RNLS: variants seen among roughly 807,000 people sequenced by gnomAD.
RNLS encodes renalase.
Under a neutral mutation model 39.8 loss-of-function variants are expected in RNLS, and 39 were observed. The observed-to-expected ratio is 0.98, with a 90% confidence interval of 0.76 to 1.28. RNLS has a LOEUF of 1.28. RNLS is among the 50% of genes most tolerant of loss of function. The probability of loss-of-function intolerance (pLI) is 0.00; values close to 1 mark genes in which losing one functional copy is unlikely to be tolerated. For synonymous variants in RNLS, 147 were observed against 150.7 expected, an observed-to-expected ratio of 0.98 and a Z score of 0.18; for missense variants, 410 against 413.3, an observed-to-expected ratio of 0.99 and a Z score of 0.07.
chr10:88,437,806 TG>T (rs1564798347), intron 4 of RNLS, among the ~76,000 whole-genome samples: 1 of 152,094 alleles, frequency 6.6e-6, no homozygotes, highest in East Asian at 1.9e-4. Flanking sequence ...TGGGTGCTTC[TG>T]GGAAAGGTTT....
chr10:88,343,244 C>T (rs1405416096), intron 5 of RNLS, among the ~76,000 whole-genome samples: 1 of 152,120 alleles, frequency 6.6e-6, no homozygotes, highest in Non-Finnish European at 1.5e-5. Context: ...TAAAATAAGA[C>T]AGTGTCTTGA....
chr10:88,413,568 C>CT (rs1230712433), intron 4 of RNLS, among the ~76,000 whole-genome samples: 1 of 152,198 alleles, frequency 6.6e-6, no homozygotes, highest in Admixed American at 6.5e-5. Context: ...CTCCAGGCAG[C>CT]TGACCAAATG....
At chr10:88,283,502 T>C (rs570719278), downstream of RNLS, among the ~76,000 whole-genome samples, 6 of 152,320 alleles carry the variant, frequency 3.9e-5, no homozygotes, top group African/African-American at 1.4e-4. Context: ...AAATGGCTCC[T>C]GAATTATATT....
At chr10:88,477,166 T>C (rs2134001683) in intron 4 of RNLS, among the ~76,000 whole-genome samples, 1 of 152,196 alleles carries the variant, frequency 6.6e-6, no homozygotes, top group South Asian at 2.1e-4. Flanking sequence ...AACTGGAAAA[T>C]GGTACAGTGT....
chr10:88,364,038 A>C (rs1849846963), intron 4 of RNLS, among the ~76,000 whole-genome samples: 1 of 152,178 alleles, frequency 6.6e-6, no homozygotes, highest in Non-Finnish European at 1.5e-5. Flanking sequence ...TGAGGTGGGG[A>C]AAGAAGACAT....
At chr10:88,397,640 T>C (rs761082855) in intron 4 of RNLS, among the ~76,000 whole-genome samples, 1 of 151,098 alleles carries the variant, frequency 6.6e-6, no homozygotes, top group African/African-American at 2.4e-5. Flanking sequence ...ATAAACAAAA[T>C]AGAGATAGAA....
rs569002300 is a variant in RNLS, at chr10:88,559,928, CT to C, written c.526+12974del. On this transcript the variant is annotated intron_variant, in intron 4 of 6. Coordinates refer to ENST00000331772, the MANE Select transcript of RNLS (RefSeq NM_001031709.3). Reference sequence around the variant, plus strand: ...GGCCTGGTCTTGGGGGTCAGAAAGACTTTTTTTTTCTTGTATTTTTTATTAA... The same window carrying C: ...GGCCTGGTCTTGGGGGTCAGAAAGACTTTTTTTTCTTGTATTTTTTATTAA... Among the ~76,000 whole-genome samples, 302 of 150,970 alleles carry C rather than the reference CT, an allele frequency of 2.0e-3. 2 individuals carry two copies. The highest frequency in any genetic ancestry group is 6.7e-3 in the African/African-American group (274 of 41,184).
intron 4 of RNLS, among the ~76,000 whole-genome samples, chr10:88,392,146 T>C (rs899312370): frequency 8.5e-5 from 13 of 152,270 alleles, no homozygotes; most frequent in African/African-American, 2.7e-4. Flanking sequence ...TAGAAAAGAC[T>C]GAGTGGCAAT....
At chr10:88,241,965 C>T in the RNLS span, among the ~76,000 whole-genome samples, 713 of 152,156 alleles carry the variant, frequency 4.7e-3, 2 homozygotes, top group Admixed American at 9.0e-3. Context: ...TGTGCCTTAC[C>T]CATATTCCTA....
intron 5 of RNLS, among the ~76,000 whole-genome samples, chr10:88,335,361 G>A (rs373414271): frequency 6.6e-6 from 1 of 152,018 alleles, no homozygotes; most frequent in African/African-American, 2.4e-5. Context: ...GGGACTGCCA[G>A]GTGTGTGCCA....
chr10:88,203,691 CT>C, the RNLS span, among the ~76,000 whole-genome samples: 4 of 150,060 alleles, frequency 2.7e-5, no homozygotes, highest in Admixed American at 6.7e-5. Context: ...TCACTGAAGT[CT>C]GAGAATGGTT....
intron 4 of RNLS, among the ~76,000 whole-genome samples, chr10:88,365,863 A>T (rs1464573113): frequency 6.6e-6 from 1 of 152,012 alleles, no homozygotes; most frequent in African/African-American, 2.4e-5. Flanking sequence ...AAGTAATTTC[A>T]TTTTCTTTGT....
chr10:88,440,637 G>T (rs534733393), intron 4 of RNLS, among the ~76,000 whole-genome samples: 1 of 152,174 alleles, frequency 6.6e-6, no homozygotes, highest in African/African-American at 2.4e-5. Context: ...TTGCCTGCTG[G>T]TGATGAGATA....
chr10:88,191,253 G>A, the RNLS span, among the ~76,000 whole-genome samples: 1 of 152,166 alleles, frequency 6.6e-6, no homozygotes, highest in Non-Finnish European at 1.5e-5. Flanking sequence ...TGTATAGGGT[G>A]TCTACCTGCC....
In RNLS at chr10:88,545,284, C is replaced by T. The variant is rs971022982; in HGVS notation, c.526+27619G>A. ...CAAAAATATAATAAACAGAGAAAGA[C>T]TAATAAAAAAGAAAAAGTAACTGTA... is the stretch of plus-strand genomic sequence containing the variant. On this transcript the variant is annotated intron_variant, in intron 4 of 6. Transcript: ENST00000331772. 5.3e-5 allele frequency among the ~76,000 whole-genome samples: 8 copies of T among 152,058 alleles called. No individual in the cohort carries two copies. The East Asian group carries it at 1.5e-3, about 29-fold the overall frequency.
intron 4 of RNLS, among the ~76,000 whole-genome samples, chr10:88,535,287 G>A (rs1847682140): frequency 6.6e-6 from 1 of 152,150 alleles, no homozygotes; most frequent in South Asian, 2.1e-4. Flanking sequence ...AAGTGAGTAT[G>A]TGTGGTGAGA....
At chr10:88,375,521 G>A (rs191951154) in intron 4 of RNLS, among the ~76,000 whole-genome samples, 58 of 152,260 alleles carry the variant, frequency 3.8e-4, no homozygotes, top group Admixed American at 3.7e-3. Flanking sequence ...TTTCAGGCAA[G>A]CCTGAGATGG....
chr10:88,321,544 T>A (rs1359651354), intron 5 of RNLS, among the ~76,000 whole-genome samples: 1 of 152,098 alleles, frequency 6.6e-6, no homozygotes, highest in Non-Finnish European at 1.5e-5. Context: ...ACAACATTGA[T>A]AGACCAGTAG....
chr10:88,493,056 T>C (rs1844972751), intron 4 of RNLS, among the ~76,000 whole-genome samples: 1 of 152,148 alleles, frequency 6.6e-6, no homozygotes, highest in Admixed American at 6.6e-5. Context: ...TACTAATCTT[T>C]TTCGGTTATT....
Sources: gnomAD v4.1 joint callset for allele counts (sites outside exome capture counted in the v4.1 genomes callset) on GRCh38, gnomAD v4.1.1 for gene constraint, MANE v1.5 for transcripts, NCBI Gene and HGNC (gene_info 2026-07-23, HGNC 2026-07-21) for gene names.